PKD2: variants seen among roughly 807,000 people sequenced by gnomAD.
PKD2 encodes polycystin 2, transient receptor potential cation channel.
In PKD2, 48 loss-of-function variants were observed where a neutral mutation model predicts 105.9. That is an observed-to-expected ratio of 0.45 (90% confidence interval 0.36 to 0.58). The LOEUF (loss-of-function observed/expected upper bound fraction) is 0.58. Ranked by LOEUF, PKD2 falls within the 20% of genes least tolerant of loss-of-function variation. The probability of loss-of-function intolerance (pLI) is 0.00; values close to 1 mark genes in which losing one functional copy is unlikely to be tolerated. For missense variants in PKD2, 1,078 were observed against 1,255.3 expected, an observed-to-expected ratio of 0.86 and a Z score of 2.13; for synonymous variants, 464 against 481.1, an observed-to-expected ratio of 0.96 and a Z score of 0.46.
At chr4:88,011,110 C>T (rs1242549580) in intron 1 of PKD2, among the ~76,000 whole-genome samples, 1 of 152,136 alleles carries the variant, frequency 6.6e-6, no homozygotes, top group Non-Finnish European at 1.5e-5. Context: ...CAAAGGAAGC[C>T]AAGGATGACC....
intron 13 of PKD2, among the ~76,000 whole-genome samples, chr4:88,070,764 T>C (rs1721004117): frequency 6.6e-6 from 1 of 151,214 alleles, no homozygotes; most frequent in African/African-American, 2.4e-5. Context: ...CCCAAGTAGC[T>C]AGGACTATGG....
At chr4:88,062,265 G>A (rs113734429) in intron 10 of PKD2, among the ~76,000 whole-genome samples, 51 of 152,318 alleles carry the variant, frequency 3.3e-4, no homozygotes, top group African/African-American at 1.1e-3. Flanking sequence ...GAGCTGAGCT[G>A]AAGGTTCATC....
chr4:88,030,355 T>G (rs183486321), intron 2 of PKD2, among the ~76,000 whole-genome samples: 33 of 152,288 alleles, frequency 2.2e-4, no homozygotes, highest in South Asian at 4.1e-4. Flanking sequence ...CAGGCTGTTC[T>G]TGAACTCTTG....
At position 88,046,850 on chromosome 4, in the gene PKD2, C is replaced by G; in HGVS notation, c.1528C>G (p.Leu510Val). 2 of 1,605,806 alleles carry G rather than the reference C, an allele frequency of 1.2e-6. No individual in the cohort carries two copies. The highest frequency in any genetic ancestry group is 1.7e-6 in the Non-Finnish European group (2 of 1,172,446). ...LHYFRSFWNC[L>V]DVVIVVLSVV... ...CTATTTCAGGAGTTTCTGGAATTGTCTGGATGTTGTGATCGTTGTGGTAGG... is the reference window on the plus strand; with the variant it reads ...CTATTTCAGGAGTTTCTGGAATTGTGTGGATGTTGTGATCGTTGTGGTAGG... The change falls in exon 6 of 15, where the codon CTG becomes GTG. Residue 510 changes from leucine to valine, a missense_variant. Physicochemically the swap from Leu to Val is conservative, Grantham distance 32 (BLOSUM62 1). Around this residue, in one of 2 missense-constraint regions of PKD2, gnomAD observed 868 missense variants for 1,067.3 expected, o/e 0.81. Coordinates refer to ENST00000237596, the MANE Select transcript of PKD2 (RefSeq NM_000297.4).
In PKD2 at chr4:88,068,048, G is replaced by A. The variant is rs573742641; in HGVS notation, c.2509G>A (p.Glu837Lys). The change falls in exon 13 of 15, where the codon GAA becomes AAA. Residue 837 changes from glutamate to lysine, a missense_variant. Coordinates refer to ENST00000237596, the MANE Select transcript of PKD2 (RefSeq NM_000297.4). ...RGSISSGVSY[E>K]EFQVLVRRVD... ...AAGCATTTCTAGTGGCGTTTCTTAC[G>A]AAGAGTTTCAAGTGTAAGTATAAAG... is the stretch of plus-strand genomic sequence containing the variant. The A allele has an allele frequency of 1.9e-5, 31 of 1,614,042 alleles. No homozygotes were observed. The highest frequency in any genetic ancestry group is 2.2e-5 in the East Asian group (1 of 44,876).
rs144921442 is a variant in PKD2, at chr4:88,024,286, G to A, written c.709+4715G>A. 2.6e-3 allele frequency among the ~76,000 whole-genome samples: 391 copies of A among 151,632 alleles called. 3 individuals carry two copies. Among genetic ancestry groups the A allele is most frequent in the African/African-American group, 8.7e-3 (358 of 41,332 alleles). On this transcript the variant is annotated intron_variant, in intron 2 of 14. Transcript: ENST00000237596. Reference sequence around the variant, plus strand: ...AGCCTGGGCAACTTGGCGAGACCTCGTCTCTACAAGATATACAAAAATTAG... The same window carrying A: ...AGCCTGGGCAACTTGGCGAGACCTCATCTCTACAAGATATACAAAAATTAG...
intron 2 of PKD2, among the ~76,000 whole-genome samples, chr4:88,026,436 G>A (rs1726960872): frequency 6.6e-6 from 1 of 152,214 alleles, no homozygotes. Context: ...TTCGAGAGGT[G>A]ACCTGGCTTT....
chr4:88,013,828 A>G (rs1726468566), intron 1 of PKD2, among the ~76,000 whole-genome samples: 1 of 152,198 alleles, frequency 6.6e-6, no homozygotes. Flanking sequence ...GGGAAAAATA[A>G]TAGGAACAAG....
chr4:88,043,116 C>T (rs933554093), intron 4 of PKD2, 117 bp from the exon 5 acceptor site: 7 of 717,942 alleles, frequency 9.8e-6, no homozygotes, highest in Non-Finnish European at 1.7e-5. Context: ...AGGCACAGTA[C>T]CCAGCTTGAT....
chr4:88,024,700 A>C (rs1726892897), intron 2 of PKD2, among the ~76,000 whole-genome samples: 1 of 152,168 alleles, frequency 6.6e-6, no homozygotes, highest in Admixed American at 6.5e-5. Flanking sequence ...TCTGTATGTC[A>C]AAGAAATAGA....
chr4:88,069,068 C>A (rs564515549), intron 13 of PKD2, among the ~76,000 whole-genome samples: 68 of 152,164 alleles, frequency 4.5e-4, no homozygotes, highest in African/African-American at 1.5e-3. Flanking sequence ...TAGTAAAATT[C>A]TTTGTTTTAA....
At chr4:88,008,832 G>C (rs1393233643) in intron 1 of PKD2, among the ~76,000 whole-genome samples, 1 of 152,160 alleles carries the variant, frequency 6.6e-6, no homozygotes, top group Non-Finnish European at 1.5e-5. Flanking sequence ...GTTGTGGGAG[G>C]AGTGTGGCAG....
chr4:88,052,817 G>A (rs1720158602), intron 7 of PKD2, among the ~76,000 whole-genome samples: 1 of 152,092 alleles, frequency 6.6e-6, no homozygotes, highest in East Asian at 1.9e-4. Context: ...GGGAAGGGGA[G>A]AGTTGCTGCA....
intron 13 of PKD2, among the ~76,000 whole-genome samples, chr4:88,068,413 A>G (rs1421407356): frequency 6.6e-6 from 1 of 151,934 alleles, no homozygotes; most frequent in African/African-American, 2.4e-5. Flanking sequence ...GAGGTTACAG[A>G]GAGCCGAGAT....
Position 88,035,640 on chromosome 4 carries a change from G to A in PKD2, c.710-580G>A, listed in dbSNP as rs183202457. On this transcript the variant is annotated intron_variant, in intron 2 of 14. Coordinates refer to ENST00000237596, the MANE Select transcript of PKD2 (RefSeq NM_000297.4). ...GTGAGGGAATGGAGAATAGGGGTGG[G>A]GTAACAAACTCTGACCTCGGTATCC... Among the ~76,000 whole-genome samples, 32 of 152,224 alleles carry A rather than the reference G, an allele frequency of 2.1e-4. No homozygotes were observed. In the East Asian group the frequency reaches 5.6e-3, roughly 27 times the overall value.
rs142172619 is a variant in PKD2, at chr4:88,039,004, G to A, written c.1094+503G>A. ...AGATTTTAGGTATATATTTGTACACGTGCATATTTACAGGGGCTTTTTGTA... is the reference window on the plus strand; with the variant it reads ...AGATTTTAGGTATATATTTGTACACATGCATATTTACAGGGGCTTTTTGTA... On this transcript the variant is annotated intron_variant, in intron 4 of 14. Coordinates refer to ENST00000237596, the MANE Select transcript of PKD2 (RefSeq NM_000297.4). Among the ~76,000 whole-genome samples, 552 of 152,248 alleles carry A rather than the reference G, an allele frequency of 3.6e-3. 2 individuals carry two copies. Among genetic ancestry groups the A allele is most frequent in the African/African-American group, 0.013 (533 of 41,526 alleles).
At chr4:88,015,623 T>G (rs1368837773) in intron 1 of PKD2, among the ~76,000 whole-genome samples, 2 of 152,246 alleles carry the variant, frequency 1.3e-5, no homozygotes, top group Admixed American at 1.3e-4. Context: ...GGTTTCACCA[T>G]GTTAGATAGG....
At chr4:88,032,876 G>T (rs563454450) in intron 2 of PKD2, among the ~76,000 whole-genome samples, 1 of 152,204 alleles carries the variant, frequency 6.6e-6, no homozygotes, top group Non-Finnish European at 1.5e-5. Flanking sequence ...ATCAGGCTTA[G>T]AGGAGTTAAA....
intron 1 of PKD2, among the ~76,000 whole-genome samples, chr4:88,011,074 A>G (rs1442608341): frequency 6.6e-6 from 1 of 152,234 alleles, no homozygotes; most frequent in Non-Finnish European, 1.5e-5. Flanking sequence ...GGAGGCAGCC[A>G]GTAAGGAGGT....
Sources: allele counts gnomAD v4.1 joint callset (sites outside exome capture counted in the v4.1 genomes callset), GRCh38; gene constraint gnomAD v4.1.1; regional missense constraint gnomAD v4.1.1; transcripts MANE v1.5; gene names NCBI Gene and HGNC (gene_info 2026-07-23, HGNC 2026-07-21).